Variants in ACOXL observed in about 807,000 individuals in gnomAD.
ACOXL encodes the protein acyl-CoA oxidase like.
A neutral mutation model predicts 71.9 loss-of-function variants in ACOXL; 70 were observed. The ratio of observed to expected loss-of-function variants is 0.97; its 90% confidence interval spans 0.80 to 1.19. The LOEUF is 1.19. Ranked by LOEUF, ACOXL falls within the 50% of genes most tolerant of loss-of-function variation. ACOXL has a pLI of 0.00. For missense variants in ACOXL, 703 were observed against 736.3 expected (o/e 0.95, Z 0.52); for synonymous variants, 253 against 281.6 (o/e 0.90, Z 1.02).
Position 110,741,546 on chromosome 2 carries a change from C to T in ACOXL, c.-23+8772C>T, listed in dbSNP as rs144494352. Among the ~76,000 whole-genome samples the T allele has an allele frequency of 2.0e-4, 30 of 152,266 alleles. No individual in the cohort carries two copies. The East Asian group carries it at 4.0e-3, about 21-fold the overall frequency. On this transcript the variant is annotated intron_variant, in intron 1 of 17. Coordinates refer to ENST00000439055, the MANE Select transcript of ACOXL (RefSeq NM_001142807.4). ...GAGTAAGAACAAGAAGTTACACGTG[C>T]ACCCGCGTGTTTGTGTGTGTATAAA...
intron 1 of ACOXL, among the ~76,000 whole-genome samples, chr2:110,753,511 A>G (rs1347871244): frequency 6.6e-6 from 1 of 152,178 alleles, no homozygotes; most frequent in African/African-American, 2.4e-5. Context: ...AGCACAGTAC[A>G]ATGTTTCCTA....
intron 9 of ACOXL, among the ~76,000 whole-genome samples, chr2:110,811,559 T>A (rs1687315996): frequency 6.6e-6 from 1 of 152,160 alleles, no homozygotes; most frequent in African/African-American, 2.4e-5. Context: ...TGTGATGTGG[T>A]GGCCTTACTC....
intron 15 of ACOXL, among the ~76,000 whole-genome samples, chr2:111,036,492 C>T (rs2065522179): frequency 6.6e-6 from 1 of 152,224 alleles, no homozygotes; most frequent in South Asian, 2.1e-4. Context: ...TGCCAAATCC[C>T]AGTAGACCCA....
At chr2:111,038,093 A>G (rs771294180) in intron 15 of ACOXL, among the ~76,000 whole-genome samples, 2 of 152,202 alleles carry the variant, frequency 1.3e-5, no homozygotes, top group African/African-American at 2.4e-5. Context: ...GGCTCAGCCT[A>G]TCAGGCCCTG....
At chr2:111,114,986 G>A (rs2070246684) in intron 17 of ACOXL, among the ~76,000 whole-genome samples, 1 of 152,132 alleles carries the variant, frequency 6.6e-6, no homozygotes, top group Non-Finnish European at 1.5e-5. Flanking sequence ...GCTATTTCCA[G>A]TGGACTGTAC....
intron 11 of ACOXL, among the ~76,000 whole-genome samples, chr2:110,918,222 T>TGGAACAGAAC (rs1454204467): frequency 6.6e-6 from 1 of 152,034 alleles, no homozygotes; most frequent in Non-Finnish European, 1.5e-5. Context: ...TATAGACCAG[T>TGGAACAGAAC]GGAACAGAAC....
rs150946224 is a variant in ACOXL, at chr2:110,906,633, A to C, written c.789-2156A>C. On this transcript the variant is annotated intron_variant, in intron 10 of 17. Coordinates refer to ENST00000439055, the MANE Select transcript of ACOXL (RefSeq NM_001142807.4). ...ACCTAACAAACAACAACAACAACAAAAAAGAAAACTAAATGGTGTTGTGGT... is the reference window on the plus strand; with the variant it reads ...ACCTAACAAACAACAACAACAACAACAAAGAAAACTAAATGGTGTTGTGGT... Among the ~76,000 whole-genome samples the C allele has an allele frequency of 2.0e-3, 297 of 152,094 alleles. 1 individual carries two copies. Among genetic ancestry groups the C allele is most frequent in the African/African-American group, 6.9e-3 (287 of 41,510 alleles).
At chr2:110,759,800 A>G (rs1559226232) in intron 1 of ACOXL, among the ~76,000 whole-genome samples, 2 of 152,192 alleles carry the variant, frequency 1.3e-5, no homozygotes. Flanking sequence ...AATTGATTTC[A>G]TTATGATATT....
intron 9 of ACOXL, among the ~76,000 whole-genome samples, chr2:110,810,522 A>G (rs375226920): frequency 1.3e-5 from 2 of 151,402 alleles, no homozygotes; most frequent in Admixed American, 6.6e-5. Flanking sequence ...CCCACCACCC[A>G]TCCATCCACC....
At chr2:111,054,826 A>T (rs1262405531) in intron 16 of ACOXL, among the ~76,000 whole-genome samples, 3 of 152,188 alleles carry the variant, frequency 2.0e-5, no homozygotes, top group Non-Finnish European at 4.4e-5. Context: ...ACTTCTTCCC[A>T]GGCGAAGGCA....
chr2:110,740,228 A>AT (rs1461517802), intron 1 of ACOXL, among the ~76,000 whole-genome samples: 2 of 152,256 alleles, frequency 1.3e-5, no homozygotes, highest in African/African-American at 4.8e-5. Context: ...ACGCTGACCA[A>AT]TATTGCCAGA....
rs1574426479 is a variant in ACOXL, at chr2:110,996,031, C to T, written c.1281+27C>T. 5 of 1,563,614 alleles carry T rather than the reference C, an allele frequency of 3.2e-6. 1 individual carries two copies. In the Admixed American group the frequency reaches 8.4e-5, roughly 26 times the overall value. On this transcript the variant is annotated intron_variant, in intron 14 of 17. Transcript: ENST00000439055. Reference sequence around the variant, plus strand: ...TAAAGATACACTGTGTTATATTTTTCCTTTTGACATGTGTTTAAGGGATAT... The same window carrying T: ...TAAAGATACACTGTGTTATATTTTTTCTTTTGACATGTGTTTAAGGGATAT...
At chr2:111,059,838 A>T (rs181419566) in intron 16 of ACOXL, among the ~76,000 whole-genome samples, 5 of 151,484 alleles carry the variant, frequency 3.3e-5, no homozygotes, top group Non-Finnish European at 7.4e-5. Flanking sequence ...GAGAGAAAGG[A>T]AGAAGAGGAG....
chr2:110,854,124 T>G (rs1384748600), intron 10 of ACOXL, among the ~76,000 whole-genome samples: 1 of 151,852 alleles, frequency 6.6e-6, no homozygotes, highest in Non-Finnish European at 1.5e-5. Context: ...TGCGTGTGCA[T>G]GTGTGTGTGT....
At chr2:111,043,910 G>T (rs79880295) in intron 15 of ACOXL, among the ~76,000 whole-genome samples, 2,868 of 152,276 alleles carry the variant, frequency 0.019, 39 homozygotes, top group Non-Finnish European at 0.03. Flanking sequence ...AGCTCAGCTG[G>T]TGCAATCTCC....
chr2:110,773,263 C>T (rs1682194324), intron 2 of ACOXL, among the ~76,000 whole-genome samples: 1 of 152,044 alleles, frequency 6.6e-6, no homozygotes, highest in African/African-American at 2.4e-5. Flanking sequence ...GGTGGGTGAT[C>T]AGATCTAAAA....
intron 17 of ACOXL, among the ~76,000 whole-genome samples, chr2:111,115,358 A>C (rs531057934): frequency 5.9e-5 from 9 of 152,322 alleles, no homozygotes; most frequent in African/African-American, 2.2e-4. Context: ...TCAATGCTAT[A>C]TTATCTTCTC....
intron 15 of ACOXL, among the ~76,000 whole-genome samples, chr2:111,039,605 C>G (rs1051415972): frequency 6.6e-6 from 1 of 152,190 alleles, no homozygotes; most frequent in Non-Finnish European, 1.5e-5. Flanking sequence ...ATATTGAATA[C>G]TTTTGAATTT....
intron 10 of ACOXL, among the ~76,000 whole-genome samples, chr2:110,906,208 C>T (rs1026705351): frequency 3.9e-5 from 6 of 152,090 alleles, no homozygotes; most frequent in East Asian, 3.9e-4. Context: ...ACAAAGAGTT[C>T]GCCATAGAAA....
Sources: gnomAD v4.1 joint callset for allele counts (sites outside exome capture counted in the v4.1 genomes callset) on GRCh38, gnomAD v4.1.1 for gene constraint, MANE v1.5 for transcripts, NCBI Gene and HGNC (gene_info 2026-07-23, HGNC 2026-07-21) for gene names.